The following PTPRQ variants were observed in gnomAD, a reference collection of about 807,000 sequenced individuals.
PTPRQ encodes protein tyrosine phosphatase receptor type Q, also known as phosphatidylinositol phosphatase PTPRQ.
A neutral mutation model predicts 246.0 loss-of-function variants in PTPRQ; 199 were observed. The ratio of observed to expected loss-of-function variants is 0.81; its 90% CI spans 0.72 to 0.91. The LOEUF is 0.91. Ranked by LOEUF, PTPRQ falls within the 40% of genes least tolerant of loss-of-function variation. PTPRQ has a pLI of 0.00. For missense variants in PTPRQ, 2,624 were observed against 2,528.4 expected, an observed-to-expected ratio of 1.04 and a Z score of -0.81; for synonymous variants, 869 against 853.2, an observed-to-expected ratio of 1.02 and a Z score of -0.32.
intron 8 of PTPRQ, among the ~76,000 whole-genome samples, chr12:80,481,001 GGAATCCTCCCT>G (rs1227907577): frequency 6.6e-6 from 1 of 151,906 alleles, no homozygotes; most frequent in Non-Finnish European, 1.5e-5. Context: ...AGAAAAAGAG[GGAATCCTCCCT>G]AACTCATTTT....
rs1262957793 is a variant in PTPRQ at position 80,445,499 on chromosome 12, C to A, written c.172C>A (p.Pro58Thr). 4.6e-6 allele frequency: 7 copies of A among 1,534,358 alleles called. No individual in the cohort carries two copies. Among genetic ancestry groups the A allele is most frequent in the Non-Finnish European group, 6.1e-6 (7 of 1,140,064 alleles). The change falls in exon 3 of 45, where the codon CCT (proline) becomes ACT (threonine). Residue 58 changes from proline (P) to threonine (T), a missense_variant. Coordinates refer to ENST00000644991, the MANE Select transcript of PTPRQ (RefSeq NM_001145026.2). The part of the protein sequence containing the change: ...IVTTNVTKPG[P>T]PVFLAGERVG... ...GGATTTTTTAAAAATAGAACCAGGGCCTCCAGTCTTCCTAGCCGGGGAAAG... is the reference window on the plus strand; with the variant it reads ...GGATTTTTTAAAAATAGAACCAGGGACTCCAGTCTTCCTAGCCGGGGAAAG...
intron 7 of PTPRQ, among the ~76,000 whole-genome samples, chr12:80,471,378 G>C (rs1298670489): frequency 6.6e-6 from 1 of 150,824 alleles, no homozygotes; most frequent in Non-Finnish European, 1.5e-5. Context: ...AAGATTTAAA[G>C]TATTGTGCTG....
chr12:80,534,290 A>G, intron 18 of PTPRQ, 115 bp downstream of exon 18: 1 of 1,129,868 alleles, frequency 8.9e-7, no homozygotes, highest in Non-Finnish European at 1.2e-6. Flanking sequence ...ATTCATCATC[A>G]GTTTGATGAA....
intron 17 of PTPRQ, among the ~76,000 whole-genome samples, chr12:80,532,764 T>G (rs868794093): frequency 2.0e-5 from 3 of 152,206 alleles, no homozygotes; most frequent in Admixed American, 6.5e-5. Context: ...AATTGCTGAA[T>G]AGCCTGGCTA....
intron 9 of PTPRQ, among the ~76,000 whole-genome samples, chr12:80,484,827 G>A (rs1412695505): frequency 6.6e-6 from 1 of 152,042 alleles, no homozygotes; most frequent in African/African-American, 2.4e-5. Context: ...TATGAAAAAT[G>A]TTAATTGTGC....
intron 25 of PTPRQ, among the ~76,000 whole-genome samples, chr12:80,551,761 C>G (rs766791039): frequency 1.3e-5 from 2 of 151,926 alleles, no homozygotes; most frequent in Non-Finnish European, 2.9e-5. Context: ...TGTATCTTCT[C>G]ATATAGCTGA....
intron 27 of PTPRQ, among the ~76,000 whole-genome samples, chr12:80,608,349 A>G (rs543864390): frequency 6.6e-6 from 1 of 150,818 alleles, no homozygotes; most frequent in African/African-American, 2.4e-5. Context: ...TGGACAAGTA[A>G]TAGCTAACAA....
chr12:80,651,432 T>C (rs1361095293), intron 37 of PTPRQ, among the ~76,000 whole-genome samples: 13 of 151,924 alleles, frequency 8.6e-5, no homozygotes, highest in Non-Finnish European at 1.5e-5. Flanking sequence ...AGAAGTCTAA[T>C]GAGAAGGTAA....
chr12:80,620,231 T>C lies in PTPRQ; in HGVS notation c.5467T>C (p.Phe1823Leu). 1 of 1,549,288 alleles carries C rather than the reference T, an allele frequency of 6.5e-7. No individual in the cohort carries two copies. The highest frequency in any genetic ancestry group is 8.7e-7 in the Non-Finnish European group (1 of 1,145,386). Reference sequence around the variant, plus strand: ...AAGGCCATATTTTACAAATGAAGGCTTTCCTAACCCTCCATGTACAGAAGG... The same window carrying C: ...AAGGCCATATTTTACAAATGAAGGCCTTCCTAACCCTCCATGTACAGAAGG... ...KARPYFTNEG[F>L]PNPPCTEGKT... The change falls in exon 32 of 45, where the codon TTT (phenylalanine) becomes CTT (leucine). Residue 1823 changes from phenylalanine (F) to leucine (L), a missense_variant. By Grantham distance (22) the Phe-to-Leu change is conservative. Transcript: ENST00000644991.
chr12:80,622,079 A>T lies in PTPRQ; in HGVS notation c.5631A>T (p.Thr1877=). The change falls in exon 33 of 45, where the codon ACA becomes ACT. Residue 1877 remains threonine (T), a synonymous_variant. Coordinates refer to ENST00000644991, the MANE Select transcript of PTPRQ (RefSeq NM_001145026.2). ...TTTATAGATTTAAATTTAGAGCTAC[A>T]AATATTATGGGACAATTTACTGACT... ...KKQYLFKFRA[T]NIMGQFTDSD... 2 of 1,435,212 alleles carry T rather than the reference A, an allele frequency of 1.4e-6. No homozygotes were observed. The highest frequency in any genetic ancestry group is 1.8e-6 in the Non-Finnish European group (2 of 1,087,956). The allele number at this position is 1,435,212 out of a possible 1,614,324, so 88.9% of individuals were successfully genotyped here.
At chr12:80,639,499 A>G (rs1350818733) in intron 35 of PTPRQ, among the ~76,000 whole-genome samples, 1 of 152,192 alleles carries the variant, frequency 6.6e-6, no homozygotes, top group African/African-American at 2.4e-5. Context: ...AGCCCAATCC[A>G]ATAATCACGA....
chr12:80,638,916 C>T (rs1899755825), intron 35 of PTPRQ, among the ~76,000 whole-genome samples: 1 of 152,172 alleles, frequency 6.6e-6, no homozygotes, highest in East Asian at 1.9e-4. Context: ...ACATTTTGGG[C>T]TCATCTGTTT....
chr12:80,637,528 T>A (rs1899701814), intron 35 of PTPRQ, among the ~76,000 whole-genome samples: 1 of 152,208 alleles, frequency 6.6e-6, no homozygotes, highest in Non-Finnish European at 1.5e-5. Context: ...TTGTTGTGAT[T>A]CTGGTATTCA....
chr12:80,619,384 C>G lies in PTPRQ; in HGVS notation c.5231C>G (p.Ala1744Gly). The change falls in exon 31 of 45, where the codon GCT (alanine) becomes GGT (glycine). Residue 1744 changes from alanine to glycine, a missense_variant and splice_region_variant. By Grantham distance (60) the Ala-to-Gly change is moderately conservative. Coordinates refer to ENST00000644991, the MANE Select transcript of PTPRQ (RefSeq NM_001145026.2). ...AGTGATATTTCTTCTTTGTTTATAG[C>G]TCCAGCACGACCAAAAACCAAACCA... ...VPMRITMDIKAPARPKTKPTP... is the reference protein window; with the variant it reads ...VPMRITMDIKGPARPKTKPTP... The G allele has an allele frequency of 6.5e-7, 1 of 1,546,538 alleles. No homozygotes were observed. The highest frequency in any genetic ancestry group is 8.7e-7 in the Non-Finnish European group (1 of 1,143,950).
At chr12:80,482,586 G>A (rs1401607833) in intron 8 of PTPRQ, among the ~76,000 whole-genome samples, 2 of 150,302 alleles carry the variant, frequency 1.3e-5, no homozygotes, top group East Asian at 3.9e-4. Context: ...GAGCGAACAG[G>A]CAACCTACAA....
chr12:80,510,147 A>G (rs1456384825), intron 16 of PTPRQ, among the ~76,000 whole-genome samples, 176 bp from the exon 17 acceptor site: 1 of 152,104 alleles, frequency 6.6e-6, no homozygotes, highest in African/African-American at 2.4e-5. Context: ...CCACCATGCA[A>G]AATCTTCCTT....
chr12:80,569,025 C>T (rs1897061094), intron 25 of PTPRQ, among the ~76,000 whole-genome samples: 1 of 151,762 alleles, frequency 6.6e-6, no homozygotes, highest in Non-Finnish European at 1.5e-5. Context: ...GACTTATCTC[C>T]TTTAGGGAAG....
At chr12:80,583,137 A>G (rs1897499566) in intron 25 of PTPRQ, among the ~76,000 whole-genome samples, 1 of 152,138 alleles carries the variant, frequency 6.6e-6, no homozygotes, top group Non-Finnish European at 1.5e-5. Context: ...TCAGGTCTCT[A>G]ATTAAATTAT....
chr12:80,632,316 C>T, intron 34 of PTPRQ, 25 bp downstream of exon 34: 1 of 1,550,948 alleles, frequency 6.4e-7, no homozygotes. Context: ...CGCTTACATT[C>T]CAGGATGCTT....
Sources: gnomAD v4.1 joint callset for allele counts (sites outside exome capture counted in the v4.1 genomes callset) on GRCh38, gnomAD v4.1.1 for gene constraint, MANE v1.5 for transcripts, NCBI Gene and HGNC (gene_info 2026-07-23, HGNC 2026-07-21) for gene names.